CCSER1: variants seen among roughly 807,000 people sequenced by gnomAD.
CCSER1 encodes serine-rich coiled-coil domain-containing protein 1.
In CCSER1, 41 loss-of-function variants were observed where a neutral mutation model predicts 82.0. That is an observed-to-expected ratio of 0.50 (90% CI 0.39 to 0.65). CCSER1 has a LOEUF of 0.65. CCSER1 is among the 30% of genes least tolerant of loss of function. The pLI, the probability that CCSER1 is intolerant of heterozygous loss-of-function variation, is 0.00. For missense variants in CCSER1, 1,119 were observed against 1,064.2 expected (o/e 1.05, Z -0.72); for synonymous variants, 414 against 383.9 (o/e 1.08, Z -0.92).
At chr4:91,503,546 CT>C (rs1759329556) in intron 10 of CCSER1, among the ~76,000 whole-genome samples, 2 of 151,274 alleles carry the variant, frequency 1.3e-5, no homozygotes, top group South Asian at 4.2e-4. Flanking sequence ...AAATCACTGG[CT>C]TGTGGATATG....
At chr4:90,875,299 G>A (rs1767059857) in intron 8 of CCSER1, among the ~76,000 whole-genome samples, 1 of 152,066 alleles carries the variant, frequency 6.6e-6, no homozygotes, top group South Asian at 2.1e-4. Flanking sequence ...TTCATACAAT[G>A]AGAAATTTGA....
chr4:90,442,375 A>G (rs1341576844), intron 4 of CCSER1, among the ~76,000 whole-genome samples: 1 of 152,158 alleles, frequency 6.6e-6, no homozygotes. Flanking sequence ...AGGATTGTCT[A>G]CGGTCCCCAA....
intron 4 of CCSER1, among the ~76,000 whole-genome samples, chr4:90,408,931 T>C (rs1754202274): frequency 6.6e-6 from 1 of 152,146 alleles, no homozygotes; most frequent in South Asian, 2.1e-4. Flanking sequence ...AGAGAAGTCC[T>C]TAAAGGACCT....
At chr4:90,979,981 T>C (rs1735958628) in intron 9 of CCSER1, among the ~76,000 whole-genome samples, 1 of 46,522 alleles carries the variant, frequency 2.1e-5, no homozygotes, top group Admixed American at 2.1e-4. Flanking sequence ...GTGATGAAAC[T>C]ATAACTAAAA....
At chr4:91,553,244 T>A (rs1198154787) in intron 10 of CCSER1, among the ~76,000 whole-genome samples, 2 of 151,670 alleles carry the variant, frequency 1.3e-5, no homozygotes, top group South Asian at 2.1e-4. Flanking sequence ...CAGTGATGAA[T>A]CCCACTTGAT....
chr4:91,483,655 C>T (rs372857905), intron 10 of CCSER1, among the ~76,000 whole-genome samples: 3 of 151,990 alleles, frequency 2.0e-5, no homozygotes, highest in South Asian at 2.1e-4. Flanking sequence ...AGGCTGGTCT[C>T]GAACTCCTGA....
rs1226692519 is a variant in CCSER1 at position 91,481,154 on chromosome 4, T to TTGAA, written c.2218-117414_2218-117411dup. Among the ~76,000 whole-genome samples the TTGAA allele has an allele frequency of 2.7e-5, 4 of 150,542 alleles. No homozygotes were observed. In the East Asian group the frequency reaches 7.9e-4, roughly 30 times the overall value. On this transcript the variant is annotated intron_variant, in intron 10 of 10. Transcript: ENST00000509176. Reference sequence around the variant, plus strand: ...TGTCAACCATTGTGACATGCAGTGTTTGAATGACTTCATAATCAGAAATGA... The same window carrying TTGAA: ...TGTCAACCATTGTGACATGCAGTGTTTGAATGAATGACTTCATAATCAGAAATGA...
intron 3 of CCSER1, among the ~76,000 whole-genome samples, chr4:90,357,631 A>C (rs778210731): frequency 6.6e-6 from 1 of 152,018 alleles, no homozygotes; most frequent in African/African-American, 2.4e-5. Flanking sequence ...TTATAGGAAA[A>C]GGTAACCAGG....
chr4:90,215,281 T>C (rs943892203), intron 1 of CCSER1, among the ~76,000 whole-genome samples: 2 of 152,320 alleles, frequency 1.3e-5, no homozygotes, highest in African/African-American at 4.8e-5. Flanking sequence ...AAGCTAGTTA[T>C]AAAAAATATT....
chr4:90,563,098 A>C (rs940352880), intron 5 of CCSER1, among the ~76,000 whole-genome samples: 2 of 151,146 alleles, frequency 1.3e-5, no homozygotes, highest in Non-Finnish European at 2.9e-5. Flanking sequence ...TTTTATTTTT[A>C]ATTTCATTTA....
intron 5 of CCSER1, among the ~76,000 whole-genome samples, chr4:90,626,365 G>C (rs188321164): frequency 6.6e-6 from 1 of 151,988 alleles, no homozygotes. Context: ...TATACCTACC[G>C]TGACTTCTAA....
chr4:90,996,230 A>G (rs1737480701), intron 9 of CCSER1, among the ~76,000 whole-genome samples: 1 of 152,142 alleles, frequency 6.6e-6, no homozygotes. Flanking sequence ...GGTAGGCATT[A>G]GATATAAATC....
At chr4:90,250,487 A>AT (rs1368391898) in intron 1 of CCSER1, among the ~76,000 whole-genome samples, 1 of 151,928 alleles carries the variant, frequency 6.6e-6, no homozygotes, top group African/African-American at 2.4e-5. Flanking sequence ...TCCTCCATTG[A>AT]TTTTCCCTCT....
At chr4:90,168,191 A>C (rs910456255) in intron 1 of CCSER1, among the ~76,000 whole-genome samples, 1 of 152,028 alleles carries the variant, frequency 6.6e-6, no homozygotes, top group Admixed American at 6.6e-5. Flanking sequence ...ATGATATCTC[A>C]TTGTGGTTTT....
chr4:90,971,069 C>CTTCTAATTT (rs1735058491), intron 9 of CCSER1, among the ~76,000 whole-genome samples: 1 of 151,828 alleles, frequency 6.6e-6, no homozygotes, highest in Non-Finnish European at 1.5e-5. Context: ...GTAAATATTA[C>CTTCTAATTT]AGCAGAAGTA....
chr4:91,553,945 T>G (rs2110232526), intron 10 of CCSER1, among the ~76,000 whole-genome samples: 1 of 151,252 alleles, frequency 6.6e-6, no homozygotes, highest in Non-Finnish European at 1.5e-5. Flanking sequence ...TTCAGCTTGG[T>G]TTTTTCTTTT....
At chr4:91,028,895 C>T (rs1740725986) in intron 9 of CCSER1, among the ~76,000 whole-genome samples, 1 of 150,702 alleles carries the variant, frequency 6.6e-6, no homozygotes, top group Admixed American at 6.7e-5. Flanking sequence ...CATATTAATA[C>T]TTTGTTCAAG....
chr4:90,933,036 G>GAAAGAAAA (rs1730364900), intron 9 of CCSER1, among the ~76,000 whole-genome samples: 1 of 96,174 alleles, frequency 1.0e-5, no homozygotes, highest in African/African-American at 5.3e-5. Context: ...AAGAAAGAAA[G>GAAAGAAAA]AAAGAAAGAG....
chr4:91,385,003 C>A (rs78057994), intron 10 of CCSER1, among the ~76,000 whole-genome samples: 2,987 of 151,994 alleles, frequency 0.02, 77 homozygotes, highest in African/African-American at 0.067. Context: ...AGTAGTGAAA[C>A]CCTATGGAAG....
Sources: allele counts gnomAD v4.1 joint callset (sites outside exome capture counted in the v4.1 genomes callset), GRCh38; gene constraint gnomAD v4.1.1; transcripts MANE v1.5; gene names NCBI Gene and HGNC (gene_info 2026-07-23, HGNC 2026-07-21).